NEK11: variants seen among roughly 807,000 people sequenced by gnomAD.
NEK11 encodes the protein NIMA related kinase 11, also known as serine/threonine-protein kinase Nek11.
Under a neutral mutation model 80.7 loss-of-function variants are expected in NEK11, and 72 were observed. The observed-to-expected ratio is 0.89, with a 90% CI of 0.74 to 1.08. The LOEUF is 1.08. Among genes scored for constraint, NEK11 ranks in the 50% least tolerant of loss-of-function variants. The pLI, the probability that NEK11 is intolerant of heterozygous loss-of-function variation, is 0.00. For missense variants in NEK11, 764 were observed against 763.6 expected (o/e 1.00, Z -0.01); for synonymous variants, 251 against 260.7 (o/e 0.96, Z 0.36).
Position 131,162,525 on chromosome 3 carries a change from G to A in NEK11, c.1080G>A (p.Leu360=), listed in dbSNP as rs369911605. The change falls in exon 11 of 18, where the codon CTG becomes CTA. Residue 360 remains leucine, a splice_region_variant and synonymous_variant. Transcript: ENST00000383366. Reference sequence around the variant, plus strand: ...CGGCTGATGAGAAAGCCAGGAAGCTGAAGTAAGCTGCTTTTCCTTTAGGCA... The same window carrying A: ...CGGCTGATGAGAAAGCCAGGAAGCTAAAGTAAGCTGCTTTTCCTTTAGGCA... ...LQAADEKARK[L]KKIVEEKYEE... The A allele has an allele frequency of 3.7e-6, 6 of 1,613,988 alleles. No individual in the cohort carries two copies. Among genetic ancestry groups the A allele is most frequent in the South Asian group, 1.1e-5 (1 of 91,068 alleles).
intron 14 of NEK11, among the ~76,000 whole-genome samples, chr3:131,179,451 C>T (rs950249462): frequency 6.6e-6 from 1 of 152,102 alleles, no homozygotes; most frequent in Non-Finnish European, 1.5e-5. Flanking sequence ...ATGACAAGGA[C>T]ACTTAGTCTG....
chr3:131,260,626 A>G (rs575538396), intron 16 of NEK11, among the ~76,000 whole-genome samples: 7 of 152,150 alleles, frequency 4.6e-5, no homozygotes, highest in African/African-American at 1.4e-4. Flanking sequence ...AATATTTACT[A>G]CCCGCCCCTT....
chr3:131,054,166 C>A (rs1393237508), intron 3 of NEK11, among the ~76,000 whole-genome samples: 1 of 152,124 alleles, frequency 6.6e-6, no homozygotes, highest in Non-Finnish European at 1.5e-5. Flanking sequence ...GCCTGGGCAA[C>A]ATGGCAAAAC....
At chr3:131,158,174 G>A (rs2091003533) in intron 10 of NEK11, among the ~76,000 whole-genome samples, 3 of 152,024 alleles carry the variant, frequency 2.0e-5, no homozygotes, top group Admixed American at 1.3e-4. Context: ...GGTGTCTTGG[G>A]GGTCTACATC....
chr3:131,170,931 G>A (rs2092646873), intron 14 of NEK11, 44 bp downstream of exon 14: 1 of 1,440,556 alleles, frequency 6.9e-7, no homozygotes, highest in Non-Finnish European at 9.8e-7. Context: ...CACAGCTGCT[G>A]CACAGGTTGC....
intron 16 of NEK11, among the ~76,000 whole-genome samples, chr3:131,258,078 A>C (rs1352060180): frequency 2.0e-5 from 3 of 151,986 alleles, no homozygotes; most frequent in Non-Finnish European, 4.4e-5. Context: ...ATGGAAAACC[A>C]AACATCATAT....
chr3:131,116,754 T>G (rs543567083), intron 5 of NEK11, among the ~76,000 whole-genome samples: 45 of 152,262 alleles, frequency 3.0e-4, no homozygotes, highest in Non-Finnish European at 4.6e-4. Flanking sequence ...TCATGTGTCT[T>G]TTGGCTGCAT....
chr3:131,105,902 CT>C (rs1355938351), intron 4 of NEK11, among the ~76,000 whole-genome samples: 1 of 152,174 alleles, frequency 6.6e-6, no homozygotes, highest in Non-Finnish European at 1.5e-5. Context: ...AAATTATTCT[CT>C]TTTTGTTTTA....
At chr3:131,266,888 A>G (rs1242279092) in intron 16 of NEK11, among the ~76,000 whole-genome samples, 2 of 152,154 alleles carry the variant, frequency 1.3e-5, no homozygotes, top group African/African-American at 2.4e-5. Flanking sequence ...TTGGGTGCTT[A>G]TACATTTAGG....
At chr3:131,082,379 A>G (rs1447850813) in intron 4 of NEK11, among the ~76,000 whole-genome samples, 1 of 152,150 alleles carries the variant, frequency 6.6e-6, no homozygotes, top group African/African-American at 2.4e-5. Flanking sequence ...TGCTACCTCT[A>G]TTGCTGCTTT....
chr3:131,162,380 A>T lies in NEK11; in HGVS notation c.963-28A>T, dbSNP rs112680384. ...TTTCTGAACATGTTTGGGATGGGCT[A>T]TATGAGGGGAATCTTTGTTATTTAT... is the stretch of plus-strand genomic sequence containing the variant. On this transcript the variant is annotated intron_variant, in intron 10 of 17. Transcript: ENST00000383366. The T allele has an allele frequency of 4.8e-4, 772 of 1,610,286 alleles. 2 individuals are homozygous for T. The African/African-American group carries it at 9.1e-3, about 19-fold the overall frequency.
intron 17 of NEK11, among the ~76,000 whole-genome samples, chr3:131,338,006 G>A (rs9840214): frequency 0.41 from 62,013 of 151,802 alleles, 15,637 homozygotes; most frequent in Non-Finnish European, 0.54. Context: ...GCAGTGGCGT[G>A]ATCTCAGGTC....
chr3:131,071,983 C>A (rs535911144), intron 3 of NEK11, among the ~76,000 whole-genome samples: 1 of 152,274 alleles, frequency 6.6e-6, no homozygotes, highest in Non-Finnish European at 1.5e-5. Context: ...TAAGCATTTA[C>A]AAATGAGTGG....
intron 16 of NEK11, among the ~76,000 whole-genome samples, chr3:131,272,039 G>A (rs908359813): frequency 6.6e-6 from 1 of 152,072 alleles, no homozygotes; most frequent in Non-Finnish European, 1.5e-5. Flanking sequence ...GGCAGAGGTT[G>A]CGGTGAGCCG....
chr3:131,257,994 G>T (rs556311224), intron 16 of NEK11, among the ~76,000 whole-genome samples: 13 of 152,040 alleles, frequency 8.6e-5, no homozygotes, highest in African/African-American at 3.1e-4. Context: ...CCATAAAAAA[G>T]AACAAAATAA....
chr3:131,291,722 A>G (rs1303377695), intron 17 of NEK11, among the ~76,000 whole-genome samples: 1 of 152,124 alleles, frequency 6.6e-6, no homozygotes. Context: ...ATCTTTTCAT[A>G]TGCTTACTTG....
At position 131,170,826 on chromosome 3, in the gene NEK11, C is replaced by A; in HGVS notation, c.1338C>A (p.Ser446=). The A allele has an allele frequency of 6.2e-7, 1 of 1,614,096 alleles. No homozygotes were observed. The highest frequency in any genetic ancestry group is 1.3e-5 in the African/African-American group (1 of 75,014). The change falls in exon 14 of 18, where the codon TCC becomes TCA. Residue 446 remains serine, a synonymous_variant. Coordinates refer to ENST00000383366, the MANE Select transcript of NEK11 (RefSeq NM_024800.5). ...ENLPESQPIP[S]MDLHELESIV... The stretch of plus-strand genomic sequence containing the variant: ...TGCCTGAGTCTCAGCCTATTCCTTC[C>A]ATGGACCTCCACGAACTTGAATCAA...
chr3:131,301,085 G>A (rs1253648084), intron 17 of NEK11, among the ~76,000 whole-genome samples: 5 of 152,092 alleles, frequency 3.3e-5, no homozygotes, highest in Non-Finnish European at 7.4e-5. Context: ...TCACTGTACA[G>A]AATTTTCACT....
chr3:131,146,197 T>C (rs2088212333), intron 7 of NEK11, among the ~76,000 whole-genome samples: 1 of 151,916 alleles, frequency 6.6e-6, no homozygotes, highest in Non-Finnish European at 1.5e-5. Context: ...CAGAACAGAG[T>C]GTGTAGGTGC....
Sources: gnomAD v4.1 joint callset for allele counts (sites outside exome capture counted in the v4.1 genomes callset) on GRCh38, gnomAD v4.1.1 for gene constraint, MANE v1.5 for transcripts, NCBI Gene and HGNC (gene_info 2026-07-23, HGNC 2026-07-21) for gene names.